Variants in SYCP1 observed in about 807,000 individuals in gnomAD.
SYCP1 encodes the protein cancer/testis antigen 8.
In SYCP1, 64 loss-of-function variants were observed where a neutral mutation model predicts 153.1. The observed-to-expected ratio is 0.42, with a 90% CI of 0.34 to 0.51. The LOEUF is 0.51. SYCP1 is among the 20% of genes least tolerant of loss of function. The pLI is 0.06. For missense variants in SYCP1, 997 were observed against 1,049.0 expected, an observed-to-expected ratio of 0.95 and a Z score of 0.68; for synonymous variants, 384 against 341.8, an observed-to-expected ratio of 1.12 and a Z score of -1.36.
chr1:114,950,674 T>A (rs191719472), intron 27 of SYCP1, among the ~76,000 whole-genome samples: 1 of 152,242 alleles, frequency 6.6e-6, no homozygotes, highest in Admixed American at 6.5e-5. Flanking sequence ...CTTTAGCATT[T>A]TCTTTATGCT....
chr1:114,879,459 C>G (rs1427923199), intron 12 of SYCP1, among the ~76,000 whole-genome samples: 2 of 152,166 alleles, frequency 1.3e-5, no homozygotes, highest in African/African-American at 4.8e-5. Context: ...TTGGCTACTT[C>G]CTGTACTCAA....
At chr1:114,915,134 A>G (rs1668436601) in intron 20 of SYCP1, among the ~76,000 whole-genome samples, 2 of 152,088 alleles carry the variant, frequency 1.3e-5, no homozygotes, top group Admixed American at 1.3e-4. Flanking sequence ...ACAAAAAATC[A>G]CCAAAAACCT....
At chr1:114,982,569 T>A (rs1277768621) in intron 29 of SYCP1, among the ~76,000 whole-genome samples, 2 of 151,894 alleles carry the variant, frequency 1.3e-5, no homozygotes, top group Non-Finnish European at 2.9e-5. Flanking sequence ...GTTCTTTTGA[T>A]AATTTATTTC....
intron 30 of SYCP1, among the ~76,000 whole-genome samples, chr1:114,993,711 A>C (rs1291442638): frequency 6.6e-6 from 1 of 151,582 alleles, no homozygotes; most frequent in Admixed American, 6.6e-5. Context: ...CATTATATTT[A>C]TTTCTTATTT....
chr1:114,887,937 T>C (rs1666427009), intron 15 of SYCP1, among the ~76,000 whole-genome samples: 1 of 152,164 alleles, frequency 6.6e-6, no homozygotes, highest in African/African-American at 2.4e-5. Context: ...GGTCTGAGTC[T>C]CCTAACAGAA....
intron 27 of SYCP1, among the ~76,000 whole-genome samples, chr1:114,971,593 T>C (rs1434271046): frequency 6.6e-6 from 1 of 152,228 alleles, no homozygotes; most frequent in Non-Finnish European, 1.5e-5. Context: ...GCTTTTATTA[T>C]GTTGAGATAC....
intron 12 of SYCP1, among the ~76,000 whole-genome samples, chr1:114,881,372 A>G (rs1427517250): frequency 2.0e-5 from 3 of 152,202 alleles, no homozygotes; most frequent in African/African-American, 7.2e-5. Context: ...TAGCTGTCAT[A>G]GATTCCATTT....
intron 8 of SYCP1, among the ~76,000 whole-genome samples, chr1:114,865,719 T>C (rs531961966): frequency 2.6e-5 from 4 of 152,214 alleles, no homozygotes; most frequent in Non-Finnish European, 5.9e-5. Context: ...CCAAAGTTCA[T>C]AGTTTACATT....
chr1:114,946,439 G>T (rs1670713814), intron 26 of SYCP1, 58 bp downstream of exon 26: 1 of 1,055,628 alleles, frequency 9.5e-7, no homozygotes, highest in Non-Finnish European at 1.4e-6. Context: ...GCAGTGACTG[G>T]TGGTAAAGAA....
intron 27 of SYCP1, among the ~76,000 whole-genome samples, chr1:114,966,704 A>C (rs1251582802): frequency 7.6e-6 from 1 of 131,424 alleles, no homozygotes; most frequent in African/African-American, 2.8e-5. Flanking sequence ...TTTTTTTTTT[A>C]GATGGAGTCT....
At chr1:114,856,454 A>G in intron 2 of SYCP1, 119 bp from the exon 3 acceptor site, 1 of 586,892 alleles carries the variant, frequency 1.7e-6, no homozygotes, top group Non-Finnish European at 2.8e-6. Context: ...TGTACATTAA[A>G]GGATTTGCAA....
intron 21 of SYCP1, among the ~76,000 whole-genome samples, chr1:114,925,392 C>T (rs952436268): frequency 6.6e-5 from 10 of 151,876 alleles, no homozygotes; most frequent in African/African-American, 1.7e-4. Context: ...ATATTAGTGA[C>T]GATTTAAGGA....
chr1:114,983,813 T>TA (rs767389062), intron 29 of SYCP1, among the ~76,000 whole-genome samples: 25 of 152,100 alleles, frequency 1.6e-4, no homozygotes, highest in Non-Finnish European at 3.4e-4. Context: ...GACAAGTTTT[T>TA]ACCAATATTT....
chr1:114,892,275 C>G (rs1666759844), intron 15 of SYCP1, among the ~76,000 whole-genome samples: 1 of 152,142 alleles, frequency 6.6e-6, no homozygotes, highest in African/African-American at 2.4e-5. Flanking sequence ...ATGGAGCACT[C>G]AGGTGAGTGC....
chr1:114,897,912 CA>C (rs1167768511), intron 16 of SYCP1, among the ~76,000 whole-genome samples: 1 of 152,192 alleles, frequency 6.6e-6, no homozygotes, highest in Non-Finnish European at 1.5e-5. Context: ...CTCATGTTAA[CA>C]GGGGAGCCTA....
intron 20 of SYCP1, among the ~76,000 whole-genome samples, chr1:114,922,067 T>C (rs1668927740): frequency 2.6e-5 from 4 of 152,184 alleles, no homozygotes; most frequent in African/African-American, 9.7e-5. Flanking sequence ...TTCTTTATCC[T>C]TGACCTTTGT....
intron 7 of SYCP1, 109 bp downstream of exon 7, chr1:114,859,919 G>GA (rs780279487): frequency 1.4e-4 from 47 of 339,810 alleles, no homozygotes; most frequent in Non-Finnish European, 2.1e-4. Flanking sequence ...TATATCATAT[G>GA]AATTTATAAG....
intron 16 of SYCP1, among the ~76,000 whole-genome samples, chr1:114,902,995 T>A (rs1003974624): frequency 2.1e-4 from 32 of 152,040 alleles, no homozygotes; most frequent in Non-Finnish European, 3.7e-4. Context: ...GCCTAGACAG[T>A]ATGGCAAAAC....
chr1:114,975,447 T>G (rs1672748180), intron 27 of SYCP1, among the ~76,000 whole-genome samples: 1 of 151,076 alleles, frequency 6.6e-6, no homozygotes, highest in Non-Finnish European at 1.5e-5. Context: ...TATCTAATAC[T>G]GTCTCCTGTT....
Sources: gnomAD v4.1 joint callset for allele counts (sites outside exome capture counted in the v4.1 genomes callset) on GRCh38, gnomAD v4.1.1 for gene constraint, MANE v1.5 for transcripts, NCBI Gene and HGNC (gene_info 2026-07-23, HGNC 2026-07-21) for gene names.